Variants in KLF12 observed in about 807,000 individuals in gnomAD.
KLF12 encodes the protein KLF transcription factor 12, also known as Krueppel-like factor 12.
In KLF12, 9 loss-of-function variants were observed where a neutral mutation model predicts 37.8. That is an observed-to-expected ratio of 0.24 (90% CI 0.14 to 0.42). KLF12 has a LOEUF of 0.42. Among genes scored for constraint, KLF12 ranks in the 10% least tolerant of loss-of-function variants. KLF12 has a pLI of 1.00. For synonymous variants in KLF12, 208 were observed against 202.1 expected (o/e 1.03, Z -0.25); for missense variants, 411 against 516.0 (o/e 0.80, Z 1.97).
At chr13:73,858,413 G>C (rs1885724178) in intron 3 of KLF12, among the ~76,000 whole-genome samples, 1 of 152,140 alleles carries the variant, frequency 6.6e-6, no homozygotes, top group Non-Finnish European at 1.5e-5. Context: ...GATAACTGAA[G>C]GTATGTGATT....
At chr13:74,149,295 C>T in the KLF12 span, among the ~76,000 whole-genome samples, 1 of 152,092 alleles carries the variant, frequency 6.6e-6, no homozygotes, top group African/African-American at 2.4e-5. Context: ...ATAATGGGCA[C>T]CTAAAATTAC....
intron 3 of KLF12, among the ~76,000 whole-genome samples, chr13:73,942,628 T>C (rs1379682483): frequency 6.6e-6 from 1 of 152,242 alleles, no homozygotes; most frequent in Non-Finnish European, 1.5e-5. Context: ...TTTTCTATAC[T>C]GAACCAATGT....
At chr13:74,224,811 G>A in the KLF12 span, among the ~76,000 whole-genome samples, 3 of 152,072 alleles carry the variant, frequency 2.0e-5, no homozygotes, top group Non-Finnish European at 4.4e-5. Flanking sequence ...ATTTTACCAA[G>A]CATGCCAAAA....
chr13:73,820,306 C>A (rs980358423), intron 4 of KLF12, among the ~76,000 whole-genome samples: 9 of 152,142 alleles, frequency 5.9e-5, no homozygotes, highest in Non-Finnish European at 2.9e-5. Context: ...TTGGTTACAT[C>A]AAGGTCTATG....
chr13:74,286,710 A>C, the KLF12 span, among the ~76,000 whole-genome samples: 1 of 152,226 alleles, frequency 6.6e-6, no homozygotes, highest in African/African-American at 2.4e-5. Context: ...ATGACTTACA[A>C]AATCAGCATC....
chr13:74,240,114 C>A, the KLF12 span, among the ~76,000 whole-genome samples: 3 of 152,094 alleles, frequency 2.0e-5, no homozygotes, highest in African/African-American at 7.2e-5. Context: ...GTGCTTCCTT[C>A]AGGAGCTCTT....
intron 1 of KLF12, among the ~76,000 whole-genome samples, chr13:74,073,099 G>C (rs1365455495): frequency 6.6e-6 from 1 of 152,178 alleles, no homozygotes; most frequent in Non-Finnish European, 1.5e-5. Flanking sequence ...ACGTGTCTTT[G>C]CTCCTCCTTT....
intron 1 of KLF12, among the ~76,000 whole-genome samples, chr13:74,013,127 G>C (rs1303179953): frequency 1.3e-5 from 2 of 152,368 alleles, no homozygotes; most frequent in South Asian, 4.1e-4. Flanking sequence ...CATGGGAACG[G>C]ATTCCCTGAA....
intron 6 of KLF12, among the ~76,000 whole-genome samples, chr13:73,738,548 T>C (rs1164188382): frequency 1.3e-5 from 2 of 152,092 alleles, no homozygotes; most frequent in Non-Finnish European, 2.9e-5. Flanking sequence ...CTTTCGAATC[T>C]CAAATCTGGG....
chr13:74,100,848 A>G (rs373179039), intron 1 of KLF12, among the ~76,000 whole-genome samples: 2 of 152,258 alleles, frequency 1.3e-5, no homozygotes, highest in African/African-American at 4.8e-5. Flanking sequence ...TCAGAATCAA[A>G]GTCCGACCTT....
At chr13:74,067,061 C>A (rs1445025084) in intron 1 of KLF12, among the ~76,000 whole-genome samples, 1 of 152,084 alleles carries the variant, frequency 6.6e-6, no homozygotes, top group Non-Finnish European at 1.5e-5. Context: ...AAAATTAAAG[C>A]CCTCCTACCA....
At chr13:73,895,525 T>C (rs1887721396) in intron 3 of KLF12, among the ~76,000 whole-genome samples, 1 of 152,210 alleles carries the variant, frequency 6.6e-6, no homozygotes, top group Non-Finnish European at 1.5e-5. Flanking sequence ...CTCTGATCTA[T>C]GCCAGTCCTC....
chr13:73,944,784 G>T (rs1174202164), intron 2 of KLF12, among the ~76,000 whole-genome samples: 4 of 152,054 alleles, frequency 2.6e-5, no homozygotes, highest in African/African-American at 9.7e-5. Flanking sequence ...ATTTATAAAA[G>T]ATTAAATCAA....
chr13:73,948,438 C>T (rs1042815852), intron 2 of KLF12, among the ~76,000 whole-genome samples: 8 of 152,246 alleles, frequency 5.3e-5, no homozygotes, highest in African/African-American at 1.4e-4. Context: ...AGCCTGTTCT[C>T]GAACTCCCGG....
chr13:73,794,259 G>C (rs1273082627), intron 5 of KLF12, among the ~76,000 whole-genome samples: 4 of 152,234 alleles, frequency 2.6e-5, no homozygotes, highest in Non-Finnish European at 5.9e-5. Flanking sequence ...TCGGGAGTTC[G>C]AGACCAGCCT....
At chr13:74,163,510 A>T in the KLF12 span, among the ~76,000 whole-genome samples, 1 of 152,162 alleles carries the variant, frequency 6.6e-6, no homozygotes, top group Non-Finnish European at 1.5e-5. Context: ...GTTTTCACTT[A>T]TTTGTGGGAT....
At chr13:74,105,831 A>G (rs547045864) in intron 1 of KLF12, among the ~76,000 whole-genome samples, 3 of 152,360 alleles carry the variant, frequency 2.0e-5, no homozygotes, top group Admixed American at 6.5e-5. Context: ...GGAGAAGAAG[A>G]AAATGGCTTT....
At chr13:73,893,409 C>T (rs1887608910) in intron 3 of KLF12, among the ~76,000 whole-genome samples, 2 of 144,076 alleles carry the variant, frequency 1.4e-5, no homozygotes, top group Admixed American at 1.4e-4. Context: ...AGAGCCTCAG[C>T]CTCACTCTTT....
At chr13:74,204,408 G>A in the KLF12 span, among the ~76,000 whole-genome samples, 1 of 152,052 alleles carries the variant, frequency 6.6e-6, no homozygotes, top group Non-Finnish European at 1.5e-5. Flanking sequence ...ATATACATTA[G>A]ACTCATTGTT....
Sources: gnomAD v4.1 joint callset for allele counts (sites outside exome capture counted in the v4.1 genomes callset) on GRCh38, gnomAD v4.1.1 for gene constraint, MANE v1.5 for transcripts, NCBI Gene and HGNC (gene_info 2026-07-23, HGNC 2026-07-21) for gene names.